UGGT2: variants seen among roughly 807,000 people sequenced by gnomAD.
UGGT2 encodes the protein UDP-glucose glycoprotein glucosyltransferase 2.
In UGGT2, 180 loss-of-function variants were observed where a neutral mutation model predicts 192.1. The observed-to-expected ratio is 0.94, with a 90% CI of 0.83 to 1.06. UGGT2 has a LOEUF of 1.06. Ranked by LOEUF, UGGT2 falls within the 50% of genes least tolerant of loss-of-function variation. The pLI is 0.00. For synonymous variants in UGGT2, 580 were observed against 591.0 expected, an observed-to-expected ratio of 0.98 and a Z score of 0.27; for missense variants, 1,849 against 1,795.7, an observed-to-expected ratio of 1.03 and a Z score of -0.54.
chr13:95,878,137 T>C (rs2047394314), intron 27 of UGGT2, among the ~76,000 whole-genome samples: 1 of 151,902 alleles, frequency 6.6e-6, no homozygotes, highest in Non-Finnish European at 1.5e-5. Flanking sequence ...GAGATTTAGA[T>C]GGGAAATTCC....
At chr13:95,913,920 GTTCATGTCCTTTGCC>G (rs2048588982) in intron 20 of UGGT2, among the ~76,000 whole-genome samples, 1 of 152,166 alleles carries the variant, frequency 6.6e-6, no homozygotes, top group Non-Finnish European at 1.5e-5. Flanking sequence ...AAAAGGATGA[GTTCATGTCCTTTGCC>G]GGGACATGGA....
intron 38 of UGGT2, among the ~76,000 whole-genome samples, chr13:95,823,176 T>A (rs915951099): frequency 6.6e-6 from 1 of 152,114 alleles, no homozygotes; most frequent in Non-Finnish European, 1.5e-5. Context: ...TCGACTTTCT[T>A]AAATTTATTG....
In UGGT2 at chr13:95,925,679, C is replaced by T. The variant is rs756749216; in HGVS notation, c.2295+1G>A. The stretch of plus-strand genomic sequence containing the variant: ...GTTAGTAAGAATATCTAGGTACTCA[C>T]CATGTGCTTTAATGCATTAAAAAGA... On this transcript the variant is annotated splice_donor_variant, in intron 20 of 38. Transcript: ENST00000376747. LOFTEE classifies it high-confidence loss of function. The T allele has an allele frequency of 1.3e-6, 2 of 1,531,900 alleles. No homozygotes were observed. The highest frequency in any genetic ancestry group is 1.3e-5 in the South Asian group (1 of 75,242). 94.9% of individuals were successfully genotyped at this position (1,531,900 alleles called of 1,614,324 possible).
At chr13:95,840,396 G>A (rs948008752) in intron 36 of UGGT2, among the ~76,000 whole-genome samples, 8 of 152,004 alleles carry the variant, frequency 5.3e-5, no homozygotes, top group East Asian at 1.9e-4. Context: ...ATGAACAGAC[G>A]CTTCTCAAAA....
intron 20 of UGGT2, among the ~76,000 whole-genome samples, chr13:95,907,268 G>C (rs1329678913): frequency 6.6e-6 from 1 of 152,202 alleles, no homozygotes; most frequent in Non-Finnish European, 1.5e-5. Context: ...GCTCGAACTA[G>C]GGGCAGCCCA....
intron 38 of UGGT2, among the ~76,000 whole-genome samples, chr13:95,812,465 A>T (rs1280822834): frequency 6.6e-6 from 1 of 152,220 alleles, no homozygotes; most frequent in African/African-American, 2.4e-5. Context: ...AAGTAAAAGG[A>T]TAAAAAATAC....
At chr13:95,970,928 C>T (rs1302550047) in intron 11 of UGGT2, among the ~76,000 whole-genome samples, 1 of 152,272 alleles carries the variant, frequency 6.6e-6, no homozygotes, top group East Asian at 1.9e-4. Flanking sequence ...ATATAAGACC[C>T]TGCTTATGGA....
chr13:96,012,887 A>C (rs1265306734), intron 5 of UGGT2, among the ~76,000 whole-genome samples: 2 of 152,046 alleles, frequency 1.3e-5, no homozygotes, highest in Non-Finnish European at 2.9e-5. Flanking sequence ...AACGGGAACA[A>C]TACAGCACAT....
intron 5 of UGGT2, among the ~76,000 whole-genome samples, chr13:96,009,885 T>C (rs776502684): frequency 7.9e-5 from 12 of 152,062 alleles, no homozygotes; most frequent in Admixed American, 2.0e-4. Context: ...AAAAAGCATA[T>C]AAAAATATGC....
At position 95,978,995 on chromosome 13, in the gene UGGT2, T is replaced by A. The variant is rs572387347; in HGVS notation, c.1092+4809A>T. Among the ~76,000 whole-genome samples the A allele has an allele frequency of 6.8e-4, 104 of 152,288 alleles. 1 individual carries two copies. The highest frequency in any genetic ancestry group is 1.1e-3 in the Non-Finnish European group (78 of 68,002). On this transcript the variant is annotated intron_variant, in intron 10 of 38. Coordinates refer to ENST00000376747, the MANE Select transcript of UGGT2 (RefSeq NM_020121.4). ...TTTGAATATCTGCATTTTAGTTAATTCAAGTATCTGCATTTGGTTCATTAA... is the reference window on the plus strand; with the variant it reads ...TTTGAATATCTGCATTTTAGTTAATACAAGTATCTGCATTTGGTTCATTAA...
chr13:95,806,128 G>A (rs888229784), intron 38 of UGGT2, among the ~76,000 whole-genome samples: 17 of 150,444 alleles, frequency 1.1e-4, no homozygotes, highest in African/African-American at 3.7e-4. Flanking sequence ...ACAAATTTAT[G>A]GGATGCAATA....
intron 17 of UGGT2, among the ~76,000 whole-genome samples, chr13:95,931,152 C>T (rs2049249107): frequency 6.6e-6 from 1 of 152,150 alleles, no homozygotes; most frequent in South Asian, 2.1e-4. Context: ...GGTGTGTTTA[C>T]AATCCCTGAG....
At chr13:96,053,059 G>C in intron 1 of UGGT2, 96 bp downstream of exon 1, 1 of 1,379,440 alleles carries the variant, frequency 7.2e-7, no homozygotes, top group Non-Finnish European at 9.3e-7. Flanking sequence ...GAGAACCCGG[G>C]TGGGAGCCAG....
chr13:95,914,018 G>A (rs1003724012), intron 20 of UGGT2, among the ~76,000 whole-genome samples: 1 of 152,096 alleles, frequency 6.6e-6, no homozygotes, highest in Non-Finnish European at 1.5e-5. Context: ...TCACTCATAG[G>A]TGGGAATTGA....
intron 15 of UGGT2, among the ~76,000 whole-genome samples, chr13:95,945,747 G>GT (rs1242148902): frequency 1.5e-5 from 2 of 131,148 alleles, no homozygotes; most frequent in Non-Finnish European, 3.5e-5. Flanking sequence ...TCTTACACCA[G>GT]TAAGTTAGTA....
In UGGT2 at chr13:95,854,298, G is replaced by A; in HGVS notation, c.4169+17C>T. ...CATTACTTATTTACTAAATGGTAAG[G>A]GTCTGACTTTTCTTACCTGATATGG... On this transcript the variant is annotated intron_variant, in intron 35 of 38. Coordinates refer to ENST00000376747, the MANE Select transcript of UGGT2 (RefSeq NM_020121.4). 2 of 1,603,944 alleles carry A rather than the reference G, an allele frequency of 1.2e-6. No individual in the cohort carries two copies. Among genetic ancestry groups the A allele is most frequent in the Non-Finnish European group, 1.7e-6 (2 of 1,176,072 alleles).
chr13:95,995,971 A>G (rs1274862834), intron 7 of UGGT2, 92 bp downstream of exon 7: 3 of 1,057,680 alleles, frequency 2.8e-6, no homozygotes, highest in Non-Finnish European at 4.3e-6. Flanking sequence ...ACATAAAAGA[A>G]AGGTGAAGCA....
At chr13:95,913,582 A>C (rs1594311046) in intron 20 of UGGT2, among the ~76,000 whole-genome samples, 5 of 152,220 alleles carry the variant, frequency 3.3e-5, no homozygotes, top group African/African-American at 1.2e-4. Flanking sequence ...AAAAGTCAGG[A>C]AACAACAGAT....
intron 1 of UGGT2, among the ~76,000 whole-genome samples, chr13:96,034,321 C>T (rs1033409690): frequency 5.9e-5 from 9 of 152,188 alleles, no homozygotes; most frequent in South Asian, 2.1e-4. Flanking sequence ...GTGACAGCTG[C>T]GCTCATCAAG....
Sources: allele counts gnomAD v4.1 joint callset (sites outside exome capture counted in the v4.1 genomes callset), GRCh38; gene constraint gnomAD v4.1.1; transcripts MANE v1.5; gene names NCBI Gene and HGNC (gene_info 2026-07-23, HGNC 2026-07-21).